NINJ2: variants seen among roughly 807,000 people sequenced by gnomAD.
The protein encoded by NINJ2 is ninjurin 2.
Under a neutral mutation model 11.7 loss-of-function variants are expected in NINJ2, and 12 were observed. The ratio of observed to expected loss-of-function variants is 1.02; its 90% confidence interval spans 0.66 to 1.66. The LOEUF is 1.66. Ranked by LOEUF, NINJ2 falls within the 40% of genes most tolerant of loss-of-function variation. NINJ2 has a pLI of 0.00. For missense variants in NINJ2, 187 were observed against 181.8 expected (o/e 1.03, Z -0.16); for synonymous variants, 93 against 76.8 (o/e 1.21, Z -1.10).
intron 1 of NINJ2, among the ~76,000 whole-genome samples, chr12:607,713 C>T (rs1353679989): frequency 6.6e-6 from 1 of 152,154 alleles, no homozygotes; most frequent in East Asian, 1.9e-4. Context: ...TGCCCCAGCA[C>T]TCAGGAAGTA....
chr12:602,418 CA>C (rs566719841), intron 1 of NINJ2, among the ~76,000 whole-genome samples: 33 of 152,310 alleles, frequency 2.2e-4, no homozygotes, highest in Admixed American at 7.2e-4. Flanking sequence ...GTTCATTTAG[CA>C]TAATGTTTTC....
At chr12:573,602 AAAAC>A (rs144410024) in intron 1 of NINJ2, among the ~76,000 whole-genome samples, 1,815 of 152,172 alleles carry the variant, frequency 0.012, 38 homozygotes, top group African/African-American at 0.041. Flanking sequence ...AGAAAAACAA[AAAAC>A]AAACAAACAA....
intron 1 of NINJ2, among the ~76,000 whole-genome samples, chr12:613,925 T>C (rs1353873925): frequency 6.6e-6 from 1 of 151,704 alleles, no homozygotes; most frequent in Non-Finnish European, 1.5e-5. Flanking sequence ...AATAATAAAT[T>C]AAATAAATAA....
intron 1 of NINJ2, among the ~76,000 whole-genome samples, chr12:587,457 C>A (rs1947654676): frequency 6.6e-6 from 1 of 152,246 alleles, no homozygotes; most frequent in African/African-American, 2.4e-5. Flanking sequence ...TGCACAGCTG[C>A]CTAAGGACAG....
At chr12:655,101 A>G (rs2120537225) in intron 1 of NINJ2, among the ~76,000 whole-genome samples, 1 of 152,292 alleles carries the variant, frequency 6.6e-6, no homozygotes, top group Admixed American at 6.5e-5. Flanking sequence ...AAAAGCCTAT[A>G]ACTAACATCA....
In NINJ2 at chr12:626,339, G is replaced by A. The variant is rs182975832; in HGVS notation, c.33+36989C>T. Among the ~76,000 whole-genome samples, 12 of 152,332 alleles carry A rather than the reference G, an allele frequency of 7.9e-5. No individual in the cohort carries two copies. The East Asian group carries it at 1.5e-3, about 20-fold the overall frequency. ...GGCCTGAAAAAAGAGCTGCGTTAGT[G>A]AGGAGGTAGTGGGAGCTAAGAGTTA... is the stretch of plus-strand genomic sequence containing the variant. On this transcript the variant is annotated intron_variant, in intron 1 of 3. Coordinates refer to ENST00000305108, the MANE Select transcript of NINJ2 (RefSeq NM_016533.6).
At chr12:631,177 G>A (rs972119262) in intron 1 of NINJ2, among the ~76,000 whole-genome samples, 1 of 152,066 alleles carries the variant, frequency 6.6e-6, no homozygotes, top group African/African-American at 2.4e-5. Context: ...GGAGACGGAG[G>A]TGGATATGCA....
chr12:581,770 C>A lies in NINJ2; in HGVS notation c.34-15592G>T, dbSNP rs771216679. 3.3e-5 allele frequency among the ~76,000 whole-genome samples: 5 copies of A among 152,154 alleles called. No individual in the cohort carries two copies. Among genetic ancestry groups the A allele is most frequent in the Non-Finnish European group, 7.3e-5 (5 of 68,028 alleles). ...CTCGTCTGTAGAAAGAGGAGACACC[C>A]CTTCCTCCTCGTGGTGAGAAGCTAG... On this transcript the variant is annotated intron_variant, in intron 1 of 3. Transcript: ENST00000305108. The surrounding 1 kb of genome is among the most constrained non-coding windows in gnomAD (Gnocchi z 4.9).
chr12:566,650 G>A (rs953130389), intron 1 of NINJ2, among the ~76,000 whole-genome samples: 3 of 152,186 alleles, frequency 2.0e-5, no homozygotes, highest in Non-Finnish European at 2.9e-5. Flanking sequence ...CCCAAGGCAG[G>A]GTGCACAGCT....
intron 1 of NINJ2, among the ~76,000 whole-genome samples, chr12:611,309 TTCTC>T (rs199681450): frequency 0.05 from 7,466 of 149,552 alleles, 258 homozygotes; most frequent in South Asian, 0.12. Context: ...CTTCCTTTCT[TTCTC>T]TCTCTCTCTC....
At chr12:575,195 A>G (rs1212238542) in intron 1 of NINJ2, among the ~76,000 whole-genome samples, 1 of 152,146 alleles carries the variant, frequency 6.6e-6, no homozygotes, top group Non-Finnish European at 1.5e-5. Context: ...CGCCTGCAGG[A>G]AGGGAAACAC....
intron 1 of NINJ2, among the ~76,000 whole-genome samples, chr12:621,093 G>A (rs887042023): frequency 6.6e-5 from 10 of 152,180 alleles, no homozygotes; most frequent in Non-Finnish European, 1.5e-4. Flanking sequence ...AGAAATAGCA[G>A]CTACTAGAAG....
chr12:601,358 A>T (rs923965789), intron 1 of NINJ2, among the ~76,000 whole-genome samples: 1 of 148,924 alleles, frequency 6.7e-6, no homozygotes, highest in Non-Finnish European at 1.5e-5. Flanking sequence ...CATCCTGGCT[A>T]ACACAGTGAA....
intron 1 of NINJ2, among the ~76,000 whole-genome samples, chr12:594,168 T>C (rs1947753062): frequency 6.6e-6 from 1 of 152,148 alleles, no homozygotes; most frequent in African/African-American, 2.4e-5. Context: ...ATGACAAGAT[T>C]GTCTATGTAG....
chr12:574,480 C>T (rs1180318603), intron 1 of NINJ2, among the ~76,000 whole-genome samples: 1 of 151,764 alleles, frequency 6.6e-6, no homozygotes, highest in Non-Finnish European at 1.5e-5. Context: ...AATTGGGTCA[C>T]GAGGGCTCTG....
At chr12:648,883 ACT>A (rs1487666906) in intron 1 of NINJ2, among the ~76,000 whole-genome samples, 2 of 151,992 alleles carry the variant, frequency 1.3e-5, no homozygotes, top group Admixed American at 6.6e-5. Flanking sequence ...TTTTGTTCAC[ACT>A]GTTTTCGGCA....
chr12:625,158 T>C (rs1215084610), intron 1 of NINJ2, among the ~76,000 whole-genome samples: 1 of 151,624 alleles, frequency 6.6e-6, no homozygotes, highest in African/African-American at 2.4e-5. Flanking sequence ...TTGCCCTAGC[T>C]TAGTAACTAT....
At position 565,563 on chromosome 12, in the gene NINJ2, G is replaced by A. The variant is rs891969629; in HGVS notation, c.263-162C>T. ...ATCGGGCTGAGATGCCTCTGCCCTC[G>A]CCAACCAGTACAATGGGGCACCCTA... is the stretch of plus-strand genomic sequence containing the variant. On this transcript the variant is annotated intron_variant, in intron 2 of 3. Coordinates refer to ENST00000305108, the MANE Select transcript of NINJ2 (RefSeq NM_016533.6). 2.1e-5 allele frequency: 15 copies of A among 722,168 alleles called. No homozygotes were observed. In the East Asian group the frequency reaches 3.1e-4, roughly 15 times the overall value. 44.7% of individuals were successfully genotyped at this position (722,168 alleles called of 1,614,324 possible).
At position 577,415 on chromosome 12, in the gene NINJ2, TCATATATATATATA is replaced by T. The variant is rs1485139741; in HGVS notation, c.34-11251_34-11238del. 4.1e-4 allele frequency among the ~76,000 whole-genome samples: 22 copies of T among 53,268 alleles called. 3 individuals are homozygous for T. Among genetic ancestry groups the T allele is most frequent in the African/African-American group, 9.8e-4 (16 of 16,348 alleles). The allele number at this position is 53,268 out of a possible 152,430, so 34.9% of individuals were successfully genotyped here. Reference sequence around the variant, plus strand: ...CATAAGTTGAGAAGCAACACTAGTCTCATATATATATATACATATATATATATAAATATTTTGGC... The same window carrying T: ...CATAAGTTGAGAAGCAACACTAGTCTCATATATATATATAAATATTTTGGC... On this transcript the variant is annotated intron_variant, in intron 1 of 3. Coordinates refer to ENST00000305108, the MANE Select transcript of NINJ2 (RefSeq NM_016533.6).
Sources: gnomAD v4.1 joint callset for allele counts (sites outside exome capture counted in the v4.1 genomes callset) on GRCh38, gnomAD v4.1.1 for gene constraint, Gnocchi (gnomAD v3.1) non-coding constraint, MANE v1.5 for transcripts, NCBI Gene and HGNC (gene_info 2026-07-23, HGNC 2026-07-21) for gene names.